ZNF407: variants seen among roughly 807,000 people sequenced by gnomAD.
ZNF407 encodes zinc finger protein 407.
Under a neutral mutation model 131.2 loss-of-function variants are expected in ZNF407, and 17 were observed. The ratio of observed to expected loss-of-function variants is 0.13; its 90% CI spans 0.09 to 0.19. ZNF407 has a LOEUF of 0.19. Among genes scored for constraint, ZNF407 ranks in the 10% least tolerant of loss-of-function variants. The pLI is 1.00. For synonymous variants in ZNF407, 1,156 were observed against 1,062.0 expected (o/e 1.09, Z -1.72); for missense variants, 2,681 against 2,830.6 (o/e 0.95, Z 1.20).
At chr18:74,858,500 C>A (rs1970891754) in intron 4 of ZNF407, among the ~76,000 whole-genome samples, 1 of 152,166 alleles carries the variant, frequency 6.6e-6, no homozygotes, top group African/African-American at 2.4e-5. Flanking sequence ...GCATTCCCTT[C>A]ATGAATTTGT....
chr18:74,849,104 G>GTTTTTTTTTTTTTTT (rs1970745151), intron 4 of ZNF407, among the ~76,000 whole-genome samples: 1 of 148,568 alleles, frequency 6.7e-6, no homozygotes, highest in Non-Finnish European at 1.5e-5. Flanking sequence ...TTGAGACGGG[G>GTTTTTTTTTTTTTTT]TTTTTCTCTT....
chr18:74,614,547 T>G (rs1446529054), intron 1 of ZNF407, among the ~76,000 whole-genome samples: 3 of 150,786 alleles, frequency 2.0e-5, no homozygotes, highest in African/African-American at 4.9e-5. Flanking sequence ...TGGATATTCG[T>G]TTTTTTTTGA....
intron 4 of ZNF407, among the ~76,000 whole-genome samples, chr18:74,815,931 C>T (rs1344430787): frequency 1.3e-5 from 2 of 152,160 alleles, no homozygotes; most frequent in African/African-American, 2.4e-5. Context: ...CCATGCCTCC[C>T]AATAACGTTT....
intron 8 of ZNF407, among the ~76,000 whole-genome samples, chr18:75,011,782 T>G (rs1394641535): frequency 6.6e-6 from 1 of 152,158 alleles, no homozygotes; most frequent in East Asian, 1.9e-4. Flanking sequence ...TGAAAAGGCT[T>G]ATAAGGAGAA....
At chr18:74,910,805 T>C (rs534331479) in intron 7 of ZNF407, among the ~76,000 whole-genome samples, 1 of 152,298 alleles carries the variant, frequency 6.6e-6, no homozygotes, top group Non-Finnish European at 1.5e-5. Context: ...GTCTGTTTAG[T>C]CTCTTTTTCC....
chr18:74,814,976 TTTACATTATAAAATTTTACAATGTAAAA>T (rs561197921), intron 4 of ZNF407, among the ~76,000 whole-genome samples: 1 of 151,816 alleles, frequency 6.6e-6, no homozygotes, highest in African/African-American at 2.4e-5. Context: ...CAAAATTTTG[TTTACATTATAAAATTTTACAATGTAAAA>T]TTACATTATA....
chr18:74,944,903 T>C (rs1972138284), intron 8 of ZNF407, among the ~76,000 whole-genome samples: 1 of 152,186 alleles, frequency 6.6e-6, no homozygotes, highest in South Asian at 2.1e-4. Context: ...CATTCTCTGG[T>C]TGCAGACTGG....
chr18:74,803,746 A>G (rs530798539), intron 4 of ZNF407, among the ~76,000 whole-genome samples: 1 of 152,320 alleles, frequency 6.6e-6, no homozygotes, highest in Non-Finnish European at 1.5e-5. Flanking sequence ...TCACATTTAT[A>G]TGTTTTACAA....
Position 75,044,928 on chromosome 18 carries a change from G to A in ZNF407, c.5429-18222G>A, listed in dbSNP as rs17056211. Among the ~76,000 whole-genome samples the A allele has an allele frequency of 4.6e-3, 696 of 152,252 alleles. 16 individuals carry two copies. Among genetic ancestry groups the A allele is most frequent in the East Asian group, 0.029 (149 of 5,174 alleles). The stretch of plus-strand genomic sequence containing the variant: ...CATACTCCACACTCAGTTTAAACAC[G>A]TTGGTGCAAATTCCATTACAGCAAA... On this transcript the variant is annotated intron_variant, in intron 8 of 8. Coordinates refer to ENST00000299687, the MANE Select transcript of ZNF407 (RefSeq NM_017757.3).
intron 3 of ZNF407, among the ~76,000 whole-genome samples, chr18:74,729,413 T>C (rs1186489437): frequency 6.6e-6 from 1 of 152,200 alleles, no homozygotes; most frequent in Non-Finnish European, 1.5e-5. Flanking sequence ...AATAAGCCTT[T>C]TCTCCACTAG....
chr18:74,974,438 GT>G (rs765157888), intron 8 of ZNF407, among the ~76,000 whole-genome samples: 3 of 152,188 alleles, frequency 2.0e-5, no homozygotes, highest in Non-Finnish European at 2.9e-5. Context: ...TTGGCTGTTT[GT>G]TTGAAGATGG....
At chr18:74,841,385 C>T (rs1016733158) in intron 4 of ZNF407, among the ~76,000 whole-genome samples, 9 of 152,162 alleles carry the variant, frequency 5.9e-5, no homozygotes, top group Non-Finnish European at 1.3e-4. Context: ...CATTACCCTT[C>T]ATCCCTTTGC....
chr18:74,631,557 G>A lies in ZNF407; in HGVS notation c.538G>A (p.Gly180Arg). ...AGAAATTAGTGTTAGTTGTACCATT[G>A]GGAATGTAGATACAGTTCTCAAATG... ...PKEISVSCTI[G>R]NVDTVLKCSI... is the part of the protein sequence containing the mutation. The change falls in exon 2 of 9, where the codon GGG (glycine) becomes AGG (arginine). Residue 180 changes from glycine (G) to arginine (R), a missense_variant. By Grantham distance (125) the Gly-to-Arg change is moderately radical (BLOSUM62 -2). This residue lies in a region of ZNF407 where 1,789 missense variants were observed against 1,748.7 expected (regional missense o/e 1.02). Coordinates refer to ENST00000299687, the MANE Select transcript of ZNF407 (RefSeq NM_017757.3). The A allele has an allele frequency of 2.5e-6, 4 of 1,613,710 alleles. No homozygotes were observed. Among genetic ancestry groups the A allele is most frequent in the Non-Finnish European group, 3.4e-6 (4 of 1,179,886 alleles).
chr18:74,854,267 T>C, intron 4 of ZNF407, among the ~76,000 whole-genome samples: 1 of 152,370 alleles, frequency 6.6e-6, no homozygotes, highest in Middle Eastern at 3.4e-3. Flanking sequence ...CCTTAGTTGT[T>C]AAATTAGTGT....
At chr18:74,676,909 G>A (rs974599546) in intron 3 of ZNF407, among the ~76,000 whole-genome samples, 13 of 151,982 alleles carry the variant, frequency 8.6e-5, no homozygotes, top group Non-Finnish European at 1.8e-4. Flanking sequence ...CATGGCACTC[G>A]GGAGCAGAGG....
chr18:74,701,795 C>T (rs1967502369), intron 3 of ZNF407, among the ~76,000 whole-genome samples: 1 of 152,110 alleles, frequency 6.6e-6, no homozygotes, highest in Non-Finnish European at 1.5e-5. Context: ...CTCGCCCTGT[C>T]ACCCCTTCCC....
At position 74,633,134 on chromosome 18, in the gene ZNF407, T is replaced by G; in HGVS notation, c.2115T>G (p.Phe705Leu). Residue 705 changes from phenylalanine (F) to leucine (L), a missense_variant, in exon 2 of 9, where the codon TTT (phenylalanine) becomes TTG (leucine). By Grantham distance (22) the Phe-to-Leu change is conservative. Transcript: ENST00000299687. Reference protein sequence around the residue: ...NEVRHSSKPQFQCKKCFYKTR... With the variant: ...NEVRHSSKPQLQCKKCFYKTR... ...TGAGGCATTCCAGTAAGCCTCAGTT[T>G]CAGTGTAAGAAGTGTTTTTATAAAA... 1.2e-6 allele frequency: 2 copies of G among 1,613,250 alleles called. No homozygotes were observed. Among genetic ancestry groups the G allele is most frequent in the Non-Finnish European group, 1.7e-6 (2 of 1,179,690 alleles).
At chr18:74,945,561 A>C (rs1351794865) in intron 8 of ZNF407, among the ~76,000 whole-genome samples, 1 of 152,230 alleles carries the variant, frequency 6.6e-6, no homozygotes. Context: ...AATAGAAAAA[A>C]TAAAAATTCC....
At chr18:75,014,736 GT>G (rs1164910684) in intron 8 of ZNF407, among the ~76,000 whole-genome samples, 1 of 150,766 alleles carries the variant, frequency 6.6e-6, no homozygotes, top group African/African-American at 2.5e-5. Flanking sequence ...TTTACGTGTT[GT>G]TTTTTTTATA....
Sources: gnomAD v4.1 joint callset for allele counts (sites outside exome capture counted in the v4.1 genomes callset) on GRCh38, gnomAD v4.1.1 for gene constraint, gnomAD v4.1.1 regional missense constraint, MANE v1.5 for transcripts, NCBI Gene and HGNC (gene_info 2026-07-23, HGNC 2026-07-21) for gene names.